The following SLC19A1 variants were observed in gnomAD, a reference collection of about 807,000 sequenced individuals.
SLC19A1 encodes reduced folate transporter.
In SLC19A1, 37 loss-of-function variants were observed where a neutral mutation model predicts 35.3. The observed-to-expected ratio is 1.05, with a 90% confidence interval of 0.81 to 1.38. The LOEUF (loss-of-function observed/expected upper bound fraction) is 1.38. Ranked by LOEUF, SLC19A1 falls within the 40% of genes most tolerant of loss-of-function variation. SLC19A1 has a pLI of 0.00. For missense variants in SLC19A1, 831 were observed against 826.9 expected, an observed-to-expected ratio of 1.00 and a Z score of -0.06; for synonymous variants, 460 against 398.5, an observed-to-expected ratio of 1.15 and a Z score of -1.84.
At position 45,530,914 on chromosome 21, in the gene SLC19A1, T is replaced by G. The variant is rs2077859612; in HGVS notation, c.1007A>C (p.Lys336Thr). ...FVKIRWARWS[K>T]LLIAGVTATQ... Reference sequence around the variant, plus strand: ...GGCCGTGACGCCCGCGATGAGCAGCTTGGACCAGCGCGCCCAGCGGATCTT... The same window carrying G: ...GGCCGTGACGCCCGCGATGAGCAGCGTGGACCAGCGCGCCCAGCGGATCTT... Residue 336 changes from lysine to threonine, a missense_variant, in exon 4 of 6, where the codon AAG (lysine) becomes ACG (threonine). By Grantham distance (78) the Lys-to-Thr change is moderately conservative (BLOSUM62 -1). Transcript: ENST00000311124. This position sits in a 1 kb window ranked among gnomAD's most constrained non-coding sequence, Gnocchi z 5.3. 2 of 1,468,538 alleles carry G rather than the reference T, an allele frequency of 1.4e-6. No homozygotes were observed. The highest frequency in any genetic ancestry group is 1.8e-6 in the Non-Finnish European group (2 of 1,112,292). The allele number at this position is 1,468,538 out of a possible 1,614,324, so 91.0% of individuals were successfully genotyped here.
intron 5 of SLC19A1, among the ~76,000 whole-genome samples, chr21:45,525,384 G>A (rs900877064): frequency 1.3e-5 from 2 of 152,244 alleles, no homozygotes; most frequent in Admixed American, 6.5e-5. Flanking sequence ...GCAGAGGCCC[G>A]CGAGAGGTGG....
chr21:45,536,527 G>A (rs114130583), intron 2 of SLC19A1: 1,834 of 153,040 alleles, frequency 0.012, 15 homozygotes, highest in African/African-American at 0.033. Context: ...CCCTGTCCTC[G>A]CCTAGAAAGT....
chr21:45,548,884 A>T (rs2078438736), upstream of SLC19A1, among the ~76,000 whole-genome samples: 1 of 152,200 alleles, frequency 6.6e-6, no homozygotes, highest in Non-Finnish European at 1.5e-5. Flanking sequence ...TAAAGGCTAA[A>T]ATTTAAGAAG....
chr21:45,505,382 GC>G (rs748210520), intron 3 of SLC19A1: 6 of 1,591,504 alleles, frequency 3.8e-6, no homozygotes, highest in Non-Finnish European at 5.2e-6. Context: ...GGCCCTCCGG[GC>G]CCCCCTGGGC....
chr21:45,555,992 G>A (rs1160930382), intron 1 of SLC19A1, among the ~76,000 whole-genome samples: 1 of 152,206 alleles, frequency 6.6e-6, no homozygotes, highest in African/African-American at 2.4e-5. Context: ...ACGATCCTCT[G>A]AGGTTTCCAG....
At chr21:45,561,631 T>C (rs1422242840) in intron 1 of SLC19A1, among the ~76,000 whole-genome samples, 1 of 151,888 alleles carries the variant, frequency 6.6e-6, no homozygotes, top group Non-Finnish European at 1.5e-5. Context: ...TGTGGTGGCA[T>C]GCACCTGTAG....
chr21:45,521,844 A>G (rs2077448529), intron 5 of SLC19A1, among the ~76,000 whole-genome samples: 1 of 152,264 alleles, frequency 6.6e-6, no homozygotes, highest in Non-Finnish European at 1.5e-5. Flanking sequence ...TAAACTTCAC[A>G]TCTTATACAA....
In SLC19A1 at chr21:45,531,620, G is replaced by A; in HGVS notation, c.718C>T (p.His240Tyr). 6 of 1,612,170 alleles carry A rather than the reference G, an allele frequency of 3.7e-6. No homozygotes were observed. Among genetic ancestry groups the A allele is most frequent in the Non-Finnish European group, 5.1e-6 (6 of 1,179,708 alleles). Residue 240 changes from histidine (H) to tyrosine (Y), a missense_variant, in exon 3 of 6, where the codon CAC becomes TAC. By Grantham distance (83) the His-to-Tyr change is moderately conservative (BLOSUM62 2). Coordinates refer to ENST00000311124, the MANE Select transcript of SLC19A1 (RefSeq NM_194255.4). ...TCCCCACAGGCCACCCGCAGGGCGT[G>A]TCCCAGCTTCCCGCCTGGGCCAGGA... ...MNPGPGGKLG[H>Y]ALRVACGDSV...
At chr21:45,558,384 T>C (rs1556332) in intron 1 of SLC19A1, among the ~76,000 whole-genome samples, 151,666 of 152,348 alleles carry the variant, frequency 1, 75,493 homozygotes, top group Middle Eastern at 1. Context: ...GGCCCTTCAA[T>C]CTTTGAAGGA....
downstream of SLC19A1, among the ~76,000 whole-genome samples, chr21:45,511,965 G>C (rs895698331): frequency 1.3e-5 from 2 of 152,100 alleles, no homozygotes; most frequent in Non-Finnish European, 2.9e-5. Flanking sequence ...CTCTGCCGTG[G>C]GTGTGTCTGG....
chr21:45,508,042 T>C (rs1290247184), downstream of SLC19A1, among the ~76,000 whole-genome samples: 1 of 148,960 alleles, frequency 6.7e-6, no homozygotes, highest in Non-Finnish European at 1.5e-5. Context: ...AGTGGATACG[T>C]AGGTAGATGG....
intron 5 of SLC19A1, among the ~76,000 whole-genome samples, chr21:45,523,253 C>A (rs1337459818): frequency 3.9e-5 from 6 of 152,198 alleles, no homozygotes; most frequent in Non-Finnish European, 8.8e-5. Context: ...CGCACCACCT[C>A]CTCTAGACCC....
downstream of SLC19A1, chr21:45,511,088 C>CAG (rs1555876762): frequency 2.9e-6 from 3 of 1,045,728 alleles, no homozygotes; most frequent in African/African-American, 9.5e-5. Context: ...ACCACACACA[C>CAG]ATACACACGG....
In SLC19A1 at chr21:45,525,950, A is replaced by G; in HGVS notation, c.1160T>C (p.Ile387Thr). The G allele has an allele frequency of 6.2e-7, 1 of 1,613,178 alleles. No individual in the cohort carries two copies. Among genetic ancestry groups the G allele is most frequent in the Non-Finnish European group, 8.5e-7 (1 of 1,179,826 alleles). The change falls in exon 5 of 6, where the codon ATT becomes ACT. Residue 387 changes from isoleucine to threonine, a missense_variant. Ile to Thr is a moderately conservative substitution (Grantham distance 89). Transcript: ENST00000311124. Reference sequence around the variant, plus strand: ...GAGCTCTTTAGACAGAGAAGATGCAATCTGAAAGCTGAACGGGAAGAGCGG... The same window carrying G: ...GAGCTCTTTAGACAGAGAAGATGCAGTCTGAAAGCTGAACGGGAAGAGCGG... ...QFLVPIATFQ[I>T]ASSLSKELCA...
At chr21:45,546,022 C>T (rs2078411550), upstream of SLC19A1, among the ~76,000 whole-genome samples, 1 of 152,232 alleles carries the variant, frequency 6.6e-6, no homozygotes, top group Non-Finnish European at 1.5e-5. Context: ...CTAACACTCC[C>T]AGCGGCCAGG....
At chr21:45,512,092 G>T, downstream of SLC19A1, 1 of 1,363,018 alleles carries the variant, frequency 7.3e-7, no homozygotes, top group South Asian at 1.2e-5. Flanking sequence ...TAACCCCAGG[G>T]CTGGCCTCCT....
In SLC19A1 at chr21:45,555,158, G is replaced by GCC. The variant is rs1272257686; in HGVS notation, c.-50+7583_-50+7584insGG. Among the ~76,000 whole-genome samples, 395 of 76,792 alleles carry GCC rather than the reference G, an allele frequency of 5.1e-3. 22 individuals carry two copies. Among genetic ancestry groups the GCC allele is most frequent in the Middle Eastern group, 0.018 (3 of 170 alleles). 50.4% of individuals were successfully genotyped at this position (76,792 alleles called of 152,430 possible). A position where few individuals can be genotyped will look rare whatever the true frequency, so the allele number is the denominator to read the frequency against. Reference sequence around the variant, plus strand: ...CGACGCAGGGGGCGGTGCAGGGGGCGGCGGGGGCGGCGCAGGGGGCGGTGC... The same window carrying GCC: ...CGACGCAGGGGGCGGTGCAGGGGGCGCCGCGGGGGCGGCGCAGGGGGCGGTGC... On this transcript the variant is annotated intron_variant, in intron 1 of 5. Transcript: ENST00000650808.
chr21:45,554,633 G>A (rs2078524014), intron 1 of SLC19A1, among the ~76,000 whole-genome samples: 2 of 145,902 alleles, frequency 1.4e-5, no homozygotes, highest in African/African-American at 5.1e-5. Flanking sequence ...ACGGGGCAGC[G>A]GCGTGGAAAC....
Position 45,533,796 on chromosome 21 carries a change from G to A in SLC19A1, c.190-1648C>T, listed in dbSNP as rs1002575038. Among the ~76,000 whole-genome samples the A allele has an allele frequency of 2.0e-5, 3 of 152,170 alleles. No homozygotes were observed. The highest frequency in any genetic ancestry group is 4.4e-5 in the Non-Finnish European group (3 of 68,014). ...GTGGGGTGCTGCGCCGAGCCACGCC[G>A]CCTCCCCGGGGGCTCTCAGCCTCGT... On this transcript the variant is annotated intron_variant, in intron 2 of 5. Transcript: ENST00000311124. This position sits in a 1 kb window ranked among gnomAD's most constrained non-coding sequence, Gnocchi z 4.5.
Sources: allele counts gnomAD v4.1 joint callset (sites outside exome capture counted in the v4.1 genomes callset), GRCh38; gene constraint gnomAD v4.1.1; non-coding constraint Gnocchi (gnomAD v3.1); transcripts MANE v1.5; gene names NCBI Gene and HGNC (gene_info 2026-07-23, HGNC 2026-07-21).